Variants in SLC7A14 observed in about 807,000 individuals in gnomAD.
SLC7A14 encodes the protein gamma-aminobutyric acid transporter SLC7A14.
SLC7A14 carries 37 observed loss-of-function variants against 60.2 expected under a neutral mutation model. The ratio of observed to expected loss-of-function variants is 0.61; its 90% confidence interval spans 0.47 to 0.81. The LOEUF is 0.81. Among genes scored for constraint, SLC7A14 ranks in the 30% least tolerant of loss-of-function variants. The pLI is 0.00. For missense variants in SLC7A14, 886 were observed against 982.7 expected, an observed-to-expected ratio of 0.90 and a Z score of 1.32; for synonymous variants, 399 against 395.8, an observed-to-expected ratio of 1.01 and a Z score of -0.10.
At chr3:170,518,005 C>T (rs371034619) in intron 2 of SLC7A14, among the ~76,000 whole-genome samples, 39 of 152,276 alleles carry the variant, frequency 2.6e-4, no homozygotes, top group African/African-American at 7.5e-4. Flanking sequence ...AGAGATAGCT[C>T]GCTGAAATGG....
At chr3:170,492,487 A>C (rs1712253180) in intron 4 of SLC7A14, among the ~76,000 whole-genome samples, 3 of 152,160 alleles carry the variant, frequency 2.0e-5, no homozygotes, top group Non-Finnish European at 4.4e-5. Flanking sequence ...CCTGGGCGAC[A>C]GAGTGAGACT....
intron 1 of SLC7A14, among the ~76,000 whole-genome samples, chr3:170,570,893 A>T (rs114705990): frequency 0.015 from 2,311 of 151,986 alleles, 22 homozygotes; most frequent in Non-Finnish European, 0.025. Context: ...GGTTACATGG[A>T]TAAATTGTGT....
At chr3:170,549,107 C>T (rs568070386) in intron 1 of SLC7A14, among the ~76,000 whole-genome samples, 18 of 151,964 alleles carry the variant, frequency 1.2e-4, no homozygotes, top group South Asian at 2.1e-4. Flanking sequence ...GAAATGTAGG[C>T]ATTAATATCC....
intron 1 of SLC7A14, among the ~76,000 whole-genome samples, chr3:170,553,304 A>G (rs1215993129): frequency 6.6e-6 from 1 of 152,222 alleles, no homozygotes; most frequent in African/African-American, 2.4e-5. Flanking sequence ...ACCTTAGGAA[A>G]CTAACTGTTC....
At chr3:170,576,158 G>C (rs932185907) in intron 1 of SLC7A14, among the ~76,000 whole-genome samples, 2 of 152,110 alleles carry the variant, frequency 1.3e-5, no homozygotes, top group Non-Finnish European at 2.9e-5. Flanking sequence ...CTCCTTGGAG[G>C]CTCCCTCATA....
chr3:170,498,260 T>G (rs946976790), intron 4 of SLC7A14, among the ~76,000 whole-genome samples: 1 of 152,216 alleles, frequency 6.6e-6, no homozygotes, highest in Non-Finnish European at 1.5e-5. Context: ...CCACTTACAT[T>G]GTGTGTTTAA....
At chr3:170,534,376 T>C (rs1577543669) in intron 1 of SLC7A14, among the ~76,000 whole-genome samples, 1 of 152,200 alleles carries the variant, frequency 6.6e-6, no homozygotes, top group African/African-American at 2.4e-5. Context: ...TTCCATTAAC[T>C]AAAGTAAGTC....
chr3:170,576,420 G>C (rs1715092499), intron 1 of SLC7A14, among the ~76,000 whole-genome samples: 1 of 152,216 alleles, frequency 6.6e-6, no homozygotes, highest in Non-Finnish European at 1.5e-5. Flanking sequence ...CACATTATAG[G>C]CATATTAACC....
chr3:170,570,655 T>G (rs1714923452), intron 1 of SLC7A14, among the ~76,000 whole-genome samples: 2 of 152,134 alleles, frequency 1.3e-5, no homozygotes, highest in Non-Finnish European at 2.9e-5. Flanking sequence ...TTTATTTACA[T>G]GTACTTCTCA....
chr3:170,503,050 A>T (rs187089406), intron 2 of SLC7A14: 1 of 152,316 alleles, frequency 6.6e-6, no homozygotes, highest in Admixed American at 6.5e-5. Context: ...CTTTTACATC[A>T]GTTACAATAT....
intron 1 of SLC7A14, among the ~76,000 whole-genome samples, chr3:170,544,343 C>T (rs965359448): frequency 5.3e-5 from 8 of 152,092 alleles, no homozygotes; most frequent in African/African-American, 1.9e-4. Context: ...TAGACACACA[C>T]ACACAGACAC....
At chr3:170,525,458 T>TGGCA (rs1713463562) in intron 2 of SLC7A14, among the ~76,000 whole-genome samples, 1 of 152,246 alleles carries the variant, frequency 6.6e-6, no homozygotes, top group South Asian at 2.1e-4. Context: ...GAGGTGTTTG[T>TGGCA]GGCAGATGGC....
chr3:170,528,692 T>C (rs1162208188), intron 1 of SLC7A14, among the ~76,000 whole-genome samples: 1 of 152,226 alleles, frequency 6.6e-6, no homozygotes, highest in Non-Finnish European at 1.5e-5. Context: ...TGACAACACC[T>C]TAGATATCAC....
In SLC7A14 at chr3:170,486,871, CAAAA is replaced by C. The variant is rs59431762; in HGVS notation, c.760-507_760-504del. Among the ~76,000 whole-genome samples, 869 of 103,598 alleles carry C rather than the reference CAAAA, an allele frequency of 8.4e-3. 12 individuals are homozygous for C. The highest frequency in any genetic ancestry group is 0.025 in the African/African-American group (793 of 31,940). 68.0% of individuals were successfully genotyped at this position (103,598 alleles called of 152,430 possible). A position where few individuals can be genotyped will look rare whatever the true frequency, so the allele number is the denominator to read the frequency against. On this transcript the variant is annotated intron_variant, in intron 4 of 7. Coordinates refer to ENST00000231706, the MANE Select transcript of SLC7A14 (RefSeq NM_020949.3). Reference sequence around the variant, plus strand: ...TCGGCGACAGAGGGAGACTCCATCTCAAAAAAAAAAAAAAAAAATGCTTCTGGCT... The same window carrying C: ...TCGGCGACAGAGGGAGACTCCATCTCAAAAAAAAAAAAAATGCTTCTGGCT...
intron 6 of SLC7A14, 109 bp from the exon 7 acceptor site, chr3:170,481,275 C>T: frequency 8.5e-7 from 1 of 1,173,034 alleles, no homozygotes; most frequent in South Asian, 1.6e-5. Context: ...ATTAACTCCT[C>T]CTGGTCCTGC....
At chr3:170,512,654 A>ATTTTT (rs71176570) in intron 2 of SLC7A14, among the ~76,000 whole-genome samples, 1,409 of 63,158 alleles carry the variant, frequency 0.022, 338 homozygotes, top group East Asian at 0.056. Context: ...TACAATTTGC[A>ATTTTT]TTTTTTTTTT....
chr3:170,513,926 A>G (rs1030744888), intron 2 of SLC7A14, among the ~76,000 whole-genome samples: 1 of 152,182 alleles, frequency 6.6e-6, no homozygotes, highest in African/African-American at 2.4e-5. Flanking sequence ...CCCTTGTGTA[A>G]GAATCTGTTC....
rs1269908796 is a variant in SLC7A14 at position 170,532,855 on chromosome 3, G to T, written c.-152-5767C>A. ...GTGCACCTGGTACTTCCACTCCAAG[G>T]GATTCTTATTTACCTTTCTCAAACT... On this transcript the variant is annotated intron_variant, in intron 1 of 7. Coordinates refer to ENST00000231706, the MANE Select transcript of SLC7A14 (RefSeq NM_020949.3). The surrounding 1 kb of genome is among the most constrained non-coding windows in gnomAD (Gnocchi z 4.0). Among the ~76,000 whole-genome samples, 1 of 152,066 alleles carries T rather than the reference G, an allele frequency of 6.6e-6. No individual in the cohort carries two copies. Among genetic ancestry groups the T allele is most frequent in the Non-Finnish European group, 1.5e-5 (1 of 68,010 alleles).
In SLC7A14 at chr3:170,566,820, AAAAGAG is replaced by A. The variant is rs1312971521; in HGVS notation, c.-153+19085_-153+19090del. ...CACCTTATAGTTCAGTTAAAAAAAA[AAAAGAG>A]AAAAAGAAAAGAAAAACAAAACAAA... On this transcript the variant is annotated intron_variant, in intron 1 of 7. Transcript: ENST00000231706. Among the ~76,000 whole-genome samples the A allele has an allele frequency of 9.0e-4, 137 of 152,096 alleles. 1 individual carries two copies. The highest frequency in any genetic ancestry group is 3.2e-3 in the African/African-American group (135 of 41,558).
Sources: allele counts gnomAD v4.1 joint callset (sites outside exome capture counted in the v4.1 genomes callset), GRCh38; gene constraint gnomAD v4.1.1; non-coding constraint Gnocchi (gnomAD v3.1); transcripts MANE v1.5; gene names NCBI Gene and HGNC (gene_info 2026-07-23, HGNC 2026-07-21).